Variants in CDH3 observed in about 807,000 individuals in gnomAD.
The protein encoded by CDH3 is cadherin-3.
Under a neutral mutation model 82.0 loss-of-function variants are expected in CDH3, and 54 were observed. The observed-to-expected ratio is 0.66, with a 90% CI of 0.53 to 0.83. The LOEUF (loss-of-function observed/expected upper bound fraction) is 0.83. Ranked by LOEUF, CDH3 falls within the 40% of genes least tolerant of loss-of-function variation. The pLI is 0.00. For synonymous variants in CDH3, 446 were observed against 437.9 expected (o/e 1.02, Z -0.23); for missense variants, 1,054 against 1,084.6 (o/e 0.97, Z 0.40).
chr16:68,710,345 G>T (rs1962011385), intron 1 of CDH3, among the ~76,000 whole-genome samples: 1 of 152,206 alleles, frequency 6.6e-6, no homozygotes, highest in African/African-American at 2.4e-5. Flanking sequence ...CGCCATCCCA[G>T]CTGGTCACCC....
At chr16:68,654,627 TGA>T (rs1193365322) in intron 2 of CDH3, among the ~76,000 whole-genome samples, 1 of 144,922 alleles carries the variant, frequency 6.9e-6, no homozygotes, top group Non-Finnish European at 1.5e-5. Flanking sequence ...CTCTTAAATC[TGA>T]GAGGTGGAGG....
At chr16:68,652,560 T>C (rs756181735) in intron 2 of CDH3, among the ~76,000 whole-genome samples, 1 of 152,130 alleles carries the variant, frequency 6.6e-6, no homozygotes, top group African/African-American at 2.4e-5. Flanking sequence ...CAGTCTCCAT[T>C]CAGAGACTCG....
At chr16:68,682,554 A>G (rs878862302) in intron 9 of CDH3, 67 bp downstream of exon 9, 2 of 1,467,894 alleles carry the variant, frequency 1.4e-6, no homozygotes. Context: ...CTTCAGGATG[A>G]GGAGCCACTG....
chr16:68,650,701 G>C (rs1960215233), intron 2 of CDH3, among the ~76,000 whole-genome samples: 1 of 152,192 alleles, frequency 6.6e-6, no homozygotes, highest in East Asian at 1.9e-4. Context: ...GGAAACCTTC[G>C]GGGACCAGTT....
chr16:68,715,791 C>T (rs1194056638), intron 1 of CDH3, among the ~76,000 whole-genome samples: 1 of 152,202 alleles, frequency 6.6e-6, no homozygotes, highest in East Asian at 1.9e-4. Context: ...AGTACCAGGC[C>T]TGCTGCCAGA....
At chr16:68,656,247 T>TG (rs769320783) in intron 2 of CDH3, among the ~76,000 whole-genome samples, 1 of 152,170 alleles carries the variant, frequency 6.6e-6, no homozygotes, top group African/African-American at 2.4e-5. Context: ...TGTACCAGTA[T>TG]GGAGGCCAGG....
chr16:68,728,026 C>G (rs756925968), downstream of CDH3, among the ~76,000 whole-genome samples: 1 of 152,186 alleles, frequency 6.6e-6, no homozygotes, highest in Admixed American at 6.5e-5. Context: ...TAAATAGTAG[C>G]TATCACTTTT....
At chr16:68,731,047 A>AAAATATATATAT (rs1962279500), downstream of CDH3, among the ~76,000 whole-genome samples, 1 of 26,344 alleles carries the variant, frequency 3.8e-5, no homozygotes, top group Non-Finnish European at 6.5e-5. Context: ...AAAAAAAAAA[A>AAAATATATATAT]ATATATATAT....
rs369263849 is a variant in CDH3 at position 68,681,088 on chromosome 16, C to A, written c.988C>A (p.Pro330Thr). The A allele has an allele frequency of 6.2e-7, 1 of 1,613,966 alleles. No homozygotes were observed. Among genetic ancestry groups the A allele is most frequent in the Middle Eastern group, 1.6e-4 (1 of 6,062 alleles). ...DANDNAPMFDPQKYEAHVPEN... is the reference protein window; with the variant it reads ...DANDNAPMFDTQKYEAHVPEN... ...CAATGACAATGCTCCCATGTTTGAC[C>A]CCCAGAAGGTAATGCCCCTTCCTCA... The change falls in exon 8 of 16, where the codon CCC becomes ACC. Residue 330 changes from proline to threonine, a missense_variant. Transcript: ENST00000264012.
intron 2 of CDH3, among the ~76,000 whole-genome samples, chr16:68,658,062 C>CTTTTTTTTTT (rs113679101): frequency 3.2e-5 from 4 of 126,146 alleles, no homozygotes; most frequent in African/African-American, 2.9e-5. Context: ...CTTTTTCTTT[C>CTTTTTTTTTT]TTTTTTTTTT....
At chr16:68,651,200 G>A (rs991930877) in intron 2 of CDH3, 21 of 513,566 alleles carry the variant, frequency 4.1e-5, no homozygotes, top group Admixed American at 1.2e-4. Context: ...TTAGCACCCT[G>A]CAGGTAGCCC....
intron 13 of CDH3, among the ~76,000 whole-genome samples, chr16:68,694,100 C>G (rs563741916): frequency 6.6e-6 from 1 of 151,860 alleles, no homozygotes; most frequent in Admixed American, 6.6e-5. Flanking sequence ...ACTAAAAATA[C>G]AAAAATTTGA....
chr16:68,680,657 C>T (rs775316675), intron 7 of CDH3, among the ~76,000 whole-genome samples: 7 of 152,104 alleles, frequency 4.6e-5, no homozygotes, highest in Non-Finnish European at 7.4e-5. Context: ...GCAACCTGGG[C>T]GACAGGGCAA....
chr16:68,686,299 C>T (rs1461774087), intron 11 of CDH3: 8 of 740,882 alleles, frequency 1.1e-5, no homozygotes, highest in African/African-American at 1.8e-5. Flanking sequence ...GGTCTTTTCA[C>T]GTGTCGCCAG....
At chr16:68,651,220 G>T in intron 2 of CDH3, 1 of 524,110 alleles carries the variant, frequency 1.9e-6, no homozygotes, top group Non-Finnish European at 3.9e-6. Flanking sequence ...CATCTGCAGG[G>T]ACACGGAGGA....
At chr16:68,652,019 A>C in intron 2 of CDH3, 1 of 199,612 alleles carries the variant, frequency 5.0e-6, no homozygotes, top group Non-Finnish European at 1.0e-5. Flanking sequence ...TAATTTAGTA[A>C]TTTTCTGTGC....
intron 9 of CDH3, among the ~76,000 whole-genome samples, chr16:68,683,076 C>T (rs1179714686): frequency 2.6e-5 from 4 of 151,906 alleles, no homozygotes; most frequent in Non-Finnish European, 5.9e-5. Flanking sequence ...AGCAAGATCC[C>T]ATCAGCACTA....
intron 2 of CDH3, among the ~76,000 whole-genome samples, chr16:68,671,155 CTTTT>C (rs777512178): frequency 1.4e-5 from 2 of 139,394 alleles, no homozygotes; most frequent in Non-Finnish European, 1.6e-5. Context: ...GATTGATGTA[CTTTT>C]TTTTTTTTTT....
At chr16:68,684,081 A>AG (rs1241787560) in intron 9 of CDH3, among the ~76,000 whole-genome samples, 1 of 151,200 alleles carries the variant, frequency 6.6e-6, no homozygotes, top group African/African-American at 2.4e-5. Context: ...AAAAAAAAAA[A>AG]AAAGCTGGGT....
Sources: allele counts gnomAD v4.1 joint callset (sites outside exome capture counted in the v4.1 genomes callset), GRCh38; gene constraint gnomAD v4.1.1; transcripts MANE v1.5; gene names NCBI Gene and HGNC (gene_info 2026-07-23, HGNC 2026-07-21).